The following APLF variants were observed in gnomAD, a reference collection of about 807,000 sequenced individuals.
APLF encodes aprataxin and PNKP like factor.
A neutral mutation model predicts 55.6 loss-of-function variants in APLF; 61 were observed. That is an observed-to-expected ratio of 1.10 (90% CI 0.89 to 1.36). APLF has a LOEUF of 1.36. APLF is among the 40% of genes most tolerant of loss of function. The probability of loss-of-function intolerance (pLI) is 0.00; values close to 1 mark genes in which losing one functional copy is unlikely to be tolerated. For synonymous variants in APLF, 207 were observed against 214.8 expected (o/e 0.96, Z 0.32); for missense variants, 611 against 602.5 (o/e 1.01, Z -0.15).
chr2:68,547,608 T>C (rs757310780), intron 8 of APLF, among the ~76,000 whole-genome samples: 7 of 151,702 alleles, frequency 4.6e-5, no homozygotes, highest in Non-Finnish European at 8.9e-5. Context: ...AAATGAATTT[T>C]TTCAATTAAT....
chr2:68,546,667 T>C (rs1019546576), intron 8 of APLF, among the ~76,000 whole-genome samples: 4 of 151,702 alleles, frequency 2.6e-5, no homozygotes, highest in African/African-American at 7.3e-5. Flanking sequence ...TCTCCATAGA[T>C]GATTGGAAAG....
At chr2:68,516,929 AAT>A (rs1491581504) in intron 5 of APLF, among the ~76,000 whole-genome samples, 3 of 127,362 alleles carry the variant, frequency 2.4e-5, no homozygotes, top group Non-Finnish European at 4.7e-5. Flanking sequence ...CATTATATAT[AAT>A]ATATAATATA....
intron 5 of APLF, among the ~76,000 whole-genome samples, chr2:68,521,912 A>T (rs190564124): frequency 5.7e-4 from 87 of 152,108 alleles, no homozygotes; most frequent in South Asian, 1.5e-3. Flanking sequence ...AAATGTACTT[A>T]CATTTATGTA....
At position 68,538,074 on chromosome 2, in the gene APLF, T is replaced by A; in HGVS notation, c.1007T>A (p.Leu336His). ...TGTTCGAGTGCCCAGGGCGACTCAC[T>A]TCAGGATGAGTCTCAAGGGTCTCAT... ...ENCSSAQGDS[L>H]QDESQGSHSE... Residue 336 changes from leucine to histidine, a missense_variant, in exon 7 of 10, where the codon CTT becomes CAT. Physicochemically the swap from Leu to His is moderately conservative, Grantham distance 99. Coordinates refer to ENST00000303795, the MANE Select transcript of APLF (RefSeq NM_173545.3). The A allele has an allele frequency of 6.2e-7, 1 of 1,614,146 alleles. No homozygotes were observed. Among genetic ancestry groups the A allele is most frequent in the Non-Finnish European group, 8.5e-7 (1 of 1,179,998 alleles).
intron 3 of APLF, among the ~76,000 whole-genome samples, chr2:68,508,222 T>A (rs1217901983): frequency 6.6e-6 from 1 of 151,802 alleles, no homozygotes; most frequent in Non-Finnish European, 1.5e-5. Flanking sequence ...AAACCTACTA[T>A]GAAGCTACAG....
At chr2:68,530,907 G>A (rs902220467) in intron 6 of APLF, among the ~76,000 whole-genome samples, 1 of 152,092 alleles carries the variant, frequency 6.6e-6, no homozygotes, top group Non-Finnish European at 1.5e-5. Context: ...GGAAAAAAAA[G>A]GGAGGACCAC....
At chr2:68,484,256 C>A (rs1191116250) in intron 1 of APLF, among the ~76,000 whole-genome samples, 1 of 151,936 alleles carries the variant, frequency 6.6e-6, no homozygotes. Context: ...GAGAAGGGAC[C>A]TGTATGTATA....
chr2:68,558,335 AG>A (rs1558553124), intron 8 of APLF, among the ~76,000 whole-genome samples: 1 of 152,194 alleles, frequency 6.6e-6, no homozygotes, highest in African/African-American at 2.4e-5. Context: ...CAGGTAACAA[AG>A]TGAGTACTTT....
intron 5 of APLF, among the ~76,000 whole-genome samples, chr2:68,520,093 TTTG>T (rs1214788005): frequency 6.6e-6 from 1 of 152,042 alleles, no homozygotes; most frequent in Admixed American, 6.6e-5. Flanking sequence ...TTTTCATATG[TTTG>T]TTGTCCATTT....
intron 9 of APLF, chr2:68,568,377 C>T (rs767329914): frequency 3.2e-5 from 29 of 902,930 alleles, no homozygotes; most frequent in Non-Finnish European, 3.7e-5. Flanking sequence ...AATGATTTCA[C>T]TGTAAGGGAA....
In APLF at chr2:68,513,215, C is replaced by T. The variant is rs764656438; in HGVS notation, c.477C>T (p.Pro159=). The part of the protein sequence containing the change: ...STEIAKTQMT[P]TNSVSFLGEN... Reference sequence around the variant, plus strand: ...AAATAGCCAAGACCCAGATGACTCCCACAAATAGTGTGGTGAGAAATTTGA... The same window carrying T: ...AAATAGCCAAGACCCAGATGACTCCTACAAATAGTGTGGTGAGAAATTTGA... The change falls in exon 4 of 10, where the codon CCC becomes CCT. Residue 159 remains proline, a synonymous_variant. Coordinates refer to ENST00000303795, the MANE Select transcript of APLF (RefSeq NM_173545.3). 3 of 1,604,198 alleles carry T rather than the reference C, an allele frequency of 1.9e-6. No individual in the cohort carries two copies. The African/African-American group carries it at 4.0e-5, about 22-fold the overall frequency.
chr2:68,530,046 A>T (rs1670205183), intron 6 of APLF, among the ~76,000 whole-genome samples: 1 of 152,158 alleles, frequency 6.6e-6, no homozygotes, highest in Non-Finnish European at 1.5e-5. Flanking sequence ...CGGTGCCCTG[A>T]CCTGACTGGA....
At chr2:68,499,257 A>G (rs1170688998) in intron 2 of APLF, among the ~76,000 whole-genome samples, 1 of 152,216 alleles carries the variant, frequency 6.6e-6, no homozygotes, top group Admixed American at 6.5e-5. Flanking sequence ...TAAAAGGCAT[A>G]CACCAACAAT....
intron 2 of APLF, among the ~76,000 whole-genome samples, chr2:68,495,747 C>T (rs527931489): frequency 6.6e-6 from 1 of 152,376 alleles, no homozygotes; most frequent in East Asian, 1.9e-4. Context: ...CTTTTCCATG[C>T]ATCCTCTGAA....
chr2:68,579,059 A>G lies in APLF; in HGVS notation c.*1037A>G. The G allele has an allele frequency of 2.0e-6, 2 of 984,332 alleles. No individual in the cohort carries two copies. The highest frequency in any genetic ancestry group is 2.4e-6 in the Non-Finnish European group (2 of 828,942). 61.0% of individuals were successfully genotyped at this position (984,332 alleles called of 1,614,324 possible). ...GGGTTGTGTACACAGAGCAGGAGAT[A>G]TTTATTGAAATCATAAATCACTAAG... On this transcript the variant is annotated 3_prime_UTR_variant, in exon 10 of 10. Coordinates refer to ENST00000303795, the MANE Select transcript of APLF (RefSeq NM_173545.3).
intron 2 of APLF, among the ~76,000 whole-genome samples, chr2:68,501,438 A>C (rs560653819): frequency 7.6e-5 from 11 of 144,280 alleles, no homozygotes; most frequent in Admixed American, 6.9e-4. Flanking sequence ...AAAAAAAAAA[A>C]CACCAAAGAT....
At chr2:68,517,106 T>C (rs1414968150) in intron 5 of APLF, among the ~76,000 whole-genome samples, 1 of 124,506 alleles carries the variant, frequency 8.0e-6, no homozygotes, top group East Asian at 2.2e-4. Flanking sequence ...AATATACTAA[T>C]ATATAATAAT....
intron 8 of APLF, among the ~76,000 whole-genome samples, chr2:68,558,847 T>A (rs1458285159): frequency 1.3e-5 from 2 of 152,030 alleles, no homozygotes; most frequent in Non-Finnish European, 2.9e-5. Context: ...TTCCCCCCAG[T>A]GTGTCCATGT....
intron 7 of APLF, among the ~76,000 whole-genome samples, chr2:68,540,873 CA>C (rs879442197): frequency 3.3e-5 from 5 of 152,040 alleles, no homozygotes; most frequent in Admixed American, 3.3e-4. Flanking sequence ...TCTTCAAGTG[CA>C]AACTTGAAAG....
Sources: gnomAD v4.1 joint callset for allele counts (sites outside exome capture counted in the v4.1 genomes callset) on GRCh38, gnomAD v4.1.1 for gene constraint, MANE v1.5 for transcripts, NCBI Gene and HGNC (gene_info 2026-07-23, HGNC 2026-07-21) for gene names.